FAF1: variants seen among roughly 807,000 people sequenced by gnomAD.
The protein encoded by FAF1 is FAS-associated factor 1.
In FAF1, 25 loss-of-function variants were observed where a neutral mutation model predicts 92.5. That is an observed-to-expected ratio of 0.27 (90% CI 0.20 to 0.38). The LOEUF is 0.38. Ranked by LOEUF, FAF1 falls within the 10% of genes least tolerant of loss-of-function variation. The probability of loss-of-function intolerance (pLI) is 1.00; values close to 1 mark genes in which losing one functional copy is unlikely to be tolerated. For missense variants in FAF1, 636 were observed against 793.3 expected, an observed-to-expected ratio of 0.80 and a Z score of 2.38; for synonymous variants, 234 against 273.2, an observed-to-expected ratio of 0.86 and a Z score of 1.42.
chr1:50,857,311 CTTT>C (rs35934575), intron 2 of FAF1, among the ~76,000 whole-genome samples: 1 of 148,942 alleles, frequency 6.7e-6, no homozygotes, highest in Non-Finnish European at 1.5e-5. Flanking sequence ...ATAATTTAAA[CTTT>C]TTTTTTTAGC....
intron 8 of FAF1, among the ~76,000 whole-genome samples, chr1:50,601,704 TATAC>T (rs200280624): frequency 0.013 from 1,970 of 150,522 alleles, 43 homozygotes; most frequent in African/African-American, 0.044. Flanking sequence ...TATATATATA[TATAC>T]ACACACACAC....
intron 4 of FAF1, among the ~76,000 whole-genome samples, chr1:50,748,863 G>C (rs368110329): frequency 6.6e-6 from 1 of 152,130 alleles, no homozygotes; most frequent in African/African-American, 2.4e-5. Flanking sequence ...AAAGAAGAGT[G>C]GGGGGAGAAC....
At chr1:50,953,103 G>A (rs1444118841) in intron 1 of FAF1, among the ~76,000 whole-genome samples, 7 of 152,094 alleles carry the variant, frequency 4.6e-5, no homozygotes, top group South Asian at 2.1e-4. Flanking sequence ...CCCCAATCCC[G>A]TGCTCTCTGA....
intron 18 of FAF1, among the ~76,000 whole-genome samples, chr1:50,442,856 C>A (rs927628466): frequency 6.6e-6 from 1 of 152,130 alleles, no homozygotes; most frequent in East Asian, 1.9e-4. Flanking sequence ...AAGACACATC[C>A]GCCCCTGGAA....
intron 6 of FAF1, among the ~76,000 whole-genome samples, chr1:50,717,518 C>T (rs1658226163): frequency 6.6e-6 from 1 of 152,146 alleles, no homozygotes; most frequent in Admixed American, 6.5e-5. Flanking sequence ...TTTGTTATGG[C>T]AGCCCAAGGG....
chr1:50,522,186 C>G (rs1329396274), intron 15 of FAF1, among the ~76,000 whole-genome samples: 2 of 152,164 alleles, frequency 1.3e-5, no homozygotes, highest in Non-Finnish European at 2.9e-5. Context: ...TTCAGATCAT[C>G]CCACTCAGAT....
chr1:50,611,023 G>A (rs1430886412), intron 8 of FAF1, among the ~76,000 whole-genome samples: 1 of 152,204 alleles, frequency 6.6e-6, no homozygotes, highest in African/African-American at 2.4e-5. Flanking sequence ...CTATACAAGT[G>A]AACATTTCCT....
chr1:50,724,302 C>CACACACAT (rs1553132414), intron 6 of FAF1, among the ~76,000 whole-genome samples: 61 of 130,304 alleles, frequency 4.7e-4, no homozygotes, highest in African/African-American at 1.6e-3. Flanking sequence ...CACATACACA[C>CACACACAT]ACACACACAC....
At chr1:50,779,742 A>G (rs188612133) in intron 4 of FAF1, among the ~76,000 whole-genome samples, 21 of 152,138 alleles carry the variant, frequency 1.4e-4, no homozygotes, top group Non-Finnish European at 2.4e-4. Context: ...ATAGATTCAT[A>G]TAACTATAAG....
At chr1:50,597,101 G>A (rs1167128726) in intron 8 of FAF1, among the ~76,000 whole-genome samples, 1 of 151,428 alleles carries the variant, frequency 6.6e-6, no homozygotes, top group Non-Finnish European at 1.5e-5. Context: ...GGATAATAAG[G>A]TTGAGTTTAT....
rs56269966 is a variant in FAF1, at chr1:50,955,563, A to G, written c.45+4204T>C. On this transcript the variant is annotated intron_variant, in intron 1 of 18. Transcript: ENST00000396153. Reference sequence around the variant, plus strand: ...AAAATTTTGGTGGTGCAGCCACTATAGAAAACAATATGACAGTTCCTCAAA... The same window carrying G: ...AAAATTTTGGTGGTGCAGCCACTATGGAAAACAATATGACAGTTCCTCAAA... Among the ~76,000 whole-genome samples, 1,183 of 152,350 alleles carry G rather than the reference A, an allele frequency of 7.8e-3. 13 individuals are homozygous for G. Among genetic ancestry groups the G allele is most frequent in the African/African-American group, 0.027 (1,143 of 41,582 alleles).
chr1:50,922,458 C>CA (rs33971185), intron 1 of FAF1, among the ~76,000 whole-genome samples: 22,422 of 37,380 alleles, frequency 0.6, 8,206 homozygotes, highest in East Asian at 0.83. Flanking sequence ...GACTCTGCCT[C>CA]AAAAAAAAAA....
chr1:50,767,362 G>A (rs984562212), intron 4 of FAF1, among the ~76,000 whole-genome samples: 9 of 152,168 alleles, frequency 5.9e-5, no homozygotes, highest in Non-Finnish European at 8.8e-5. Context: ...AAAAGAGGGA[G>A]AGAAAGCAAG....
At chr1:50,815,112 G>A (rs760984473) in intron 2 of FAF1, among the ~76,000 whole-genome samples, 17 of 152,036 alleles carry the variant, frequency 1.1e-4, no homozygotes, top group Non-Finnish European at 2.2e-4. Context: ...TTTAGATTCC[G>A]GGGGTACATC....
intron 15 of FAF1, among the ~76,000 whole-genome samples, chr1:50,521,420 A>G (rs1572804617): frequency 6.6e-6 from 1 of 152,232 alleles, no homozygotes; most frequent in African/African-American, 2.4e-5. Flanking sequence ...ATTCTTTTTA[A>G]AAGAATCTGT....
At chr1:50,811,598 T>C (rs1643912595) in intron 2 of FAF1, among the ~76,000 whole-genome samples, 1 of 152,152 alleles carries the variant, frequency 6.6e-6, no homozygotes, top group African/African-American at 2.4e-5. Context: ...TGCTCATCAA[T>C]AGGAAGAATC....
intron 12 of FAF1, among the ~76,000 whole-genome samples, chr1:50,571,518 C>G (rs916585729): frequency 1.3e-5 from 2 of 152,132 alleles, no homozygotes; most frequent in African/African-American, 4.8e-5. Flanking sequence ...CCTGAACTAT[C>G]CATGCAAAAT....
intron 1 of FAF1, among the ~76,000 whole-genome samples, chr1:50,903,523 A>G (rs1000605308): frequency 6.6e-6 from 1 of 152,208 alleles, no homozygotes; most frequent in Non-Finnish European, 1.5e-5. Context: ...GTATATGTAT[A>G]AATTAAATCA....
At chr1:50,859,404 TA>T (rs1429895878) in intron 1 of FAF1, among the ~76,000 whole-genome samples, 1 of 151,782 alleles carries the variant, frequency 6.6e-6, no homozygotes, top group Non-Finnish European at 1.5e-5. Flanking sequence ...ATAACTTCAG[TA>T]AAGTTTCAAG....
Sources: allele counts gnomAD v4.1 joint callset (sites outside exome capture counted in the v4.1 genomes callset), GRCh38; gene constraint gnomAD v4.1.1; transcripts MANE v1.5; gene names NCBI Gene and HGNC (gene_info 2026-07-23, HGNC 2026-07-21).